The following MREG variants were observed in gnomAD, a reference collection of about 807,000 sequenced individuals.
The protein encoded by MREG is dilute suppressor protein homolog.
MREG carries 31 observed loss-of-function variants against 28.5 expected under a neutral mutation model. The observed-to-expected ratio is 1.09, with a 90% confidence interval of 0.82 to 1.47. The LOEUF (loss-of-function observed/expected upper bound fraction) is 1.47. Among genes scored for constraint, MREG ranks in the 40% most tolerant of loss-of-function variants. The pLI is 0.00. For missense variants in MREG, 256 were observed against 257.4 expected, an observed-to-expected ratio of 0.99 and a Z score of 0.04; for synonymous variants, 106 against 95.2, an observed-to-expected ratio of 1.11 and a Z score of -0.66.
rs74837438 is a variant in MREG, at chr2:216,013,146, A to C, written c.95+87T>G. ...CCCTTCCAGCAAGCCCACCTCCCCAACTCACACAAGCACACAGGTGTCCAC... is the reference window on the plus strand; with the variant it reads ...CCCTTCCAGCAAGCCCACCTCCCCACCTCACACAAGCACACAGGTGTCCAC... On this transcript the variant is annotated intron_variant, in intron 1 of 4. Coordinates refer to ENST00000263268, the MANE Select transcript of MREG (RefSeq NM_018000.3). The C allele has an allele frequency of 3.1e-5, 38 of 1,209,854 alleles. 2 individuals are homozygous for C. The Admixed American group carries it at 4.1e-4, about 13-fold the overall frequency. The allele number at this position is 1,209,854 out of a possible 1,614,324, so 74.9% of individuals were successfully genotyped here. A position where few individuals can be genotyped will look rare whatever the true frequency, so the allele number is the denominator to read the frequency against.
intron 1 of MREG, among the ~76,000 whole-genome samples, chr2:216,031,666 AG>A (rs1559204056): frequency 3.4e-4 from 27 of 79,648 alleles, no homozygotes; most frequent in African/African-American, 1.5e-3. Flanking sequence ...AAAGAAAGAA[AG>A]AAAGAAAGAA....
At position 215,973,627 on chromosome 2, in the gene MREG, TTA is replaced by T. The variant is rs538076521; in HGVS notation, c.255+22677_255+22678del. Among the ~76,000 whole-genome samples, 49 of 152,352 alleles carry T rather than the reference TTA, an allele frequency of 3.2e-4. 1 individual carries two copies. The highest frequency in any genetic ancestry group is 1.2e-3 in the African/African-American group (48 of 41,584). ...CAACAAATTCAACTGCAGTAGATTT[TTA>T]TCTCTACCACTTCAACCTGTTTTCC... On this transcript the variant is annotated intron_variant, in intron 2 of 4. Coordinates refer to ENST00000263268, the MANE Select transcript of MREG (RefSeq NM_018000.3).
chr2:215,983,665 T>A (rs1236332038), intron 2 of MREG, among the ~76,000 whole-genome samples: 1 of 152,228 alleles, frequency 6.6e-6, no homozygotes, highest in Non-Finnish European at 1.5e-5. Context: ...AGTAATTGTA[T>A]GTATTTATGA....
chr2:215,943,616 CG>C lies in MREG; in HGVS notation c.*1246del, dbSNP rs1198433385. ...CAGCACTTTGGGAGGCTGGGGCAGG[CG>C]GATGACGAGGTCAGGAGATCGAGAC... On this transcript the variant is annotated 3_prime_UTR_variant, in exon 5 of 5. Transcript: ENST00000263268. The C allele has an allele frequency of 2.5e-6, 1 of 399,792 alleles. No individual in the cohort carries two copies. Among genetic ancestry groups the C allele is most frequent in the Non-Finnish European group, 5.0e-6 (1 of 199,882 alleles). 24.8% of individuals were successfully genotyped at this position (399,792 alleles called of 1,614,324 possible).
chr2:215,996,448 G>A lies in MREG; in HGVS notation c.113C>T (p.Ser38Phe), dbSNP rs200466592. 1.8e-3 allele frequency: 2,839 copies of A among 1,612,122 alleles called. 5 individuals carry two copies. The highest frequency in any genetic ancestry group is 2.6e-3 in the Middle Eastern group (16 of 6,056). The change falls in exon 2 of 5, where the codon TCC (serine) becomes TTC (phenylalanine). Residue 38 changes from serine (S) to phenylalanine (F), a missense_variant. Physicochemically the swap from Ser to Phe is radical, Grantham distance 155 (BLOSUM62 -2). Coordinates refer to ENST00000263268, the MANE Select transcript of MREG (RefSeq NM_018000.3). Reference sequence around the variant, plus strand: ...CCTCACCAGAGTTGCTCCAAATGAGGAATATGGATTGTTATCACTGTTGTA... The same window carrying A: ...CCTCACCAGAGTTGCTCCAAATGAGAAATATGGATTGTTATCACTGTTGTA... Reference protein sequence around the residue: ...EPLVSDNNPYSSFGATLVRDD... With the variant: ...EPLVSDNNPYFSFGATLVRDD...
At chr2:215,994,890 A>AAG (rs146188715) in intron 2 of MREG, among the ~76,000 whole-genome samples, 3 of 151,182 alleles carry the variant, frequency 2.0e-5, no homozygotes, top group African/African-American at 4.9e-5. Context: ...GAGAGAGAGA[A>AAG]AGAGAGAGAG....
intron 2 of MREG, among the ~76,000 whole-genome samples, chr2:215,956,918 C>A (rs544244610): frequency 7.2e-5 from 11 of 152,224 alleles, no homozygotes; most frequent in South Asian, 2.1e-4. Context: ...CTGTGTTACC[C>A]TATGAGACGG....
chr2:216,016,398 G>A (rs1259970332), upstream of MREG, among the ~76,000 whole-genome samples: 2 of 152,228 alleles, frequency 1.3e-5, no homozygotes, highest in African/African-American at 4.8e-5. Flanking sequence ...AACTCAGCTA[G>A]CAAGAAAATG....
At chr2:215,954,445 A>AACACACAC (rs3078454) in intron 2 of MREG, among the ~76,000 whole-genome samples, 42,566 of 136,240 alleles carry the variant, frequency 0.31, 7,609 homozygotes, top group Middle Eastern at 0.4. Flanking sequence ...ATCTGTGTAC[A>AACACACAC]ACACACACAC....
intron 1 of MREG, among the ~76,000 whole-genome samples, chr2:216,024,119 G>C (rs1694561189): frequency 6.6e-6 from 1 of 152,142 alleles, no homozygotes; most frequent in African/African-American, 2.4e-5. Context: ...GCCATGCCGA[G>C]CCTTTCAGGG....
rs538002389 is a variant in MREG, at chr2:215,984,314, G to A, written c.255+11992C>T. On this transcript the variant is annotated intron_variant, in intron 2 of 4. Transcript: ENST00000263268. ...GGGAATTCAAGGTGAGATTTGAGTG[G>A]GGACACAGCCAAACCATATCAGTTA... is the stretch of plus-strand genomic sequence containing the variant. 7.9e-5 allele frequency among the ~76,000 whole-genome samples: 12 copies of A among 152,028 alleles called. No homozygotes were observed. The East Asian group carries it at 2.3e-3, about 29-fold the overall frequency.
intron 2 of MREG, among the ~76,000 whole-genome samples, chr2:215,980,915 A>C (rs1218060364): frequency 7.8e-6 from 1 of 127,976 alleles, no homozygotes; most frequent in East Asian, 2.0e-4. Flanking sequence ...AAGGGCAGGG[A>C]AGGGAAGGGA....
chr2:216,025,362 ACCTT>A (rs1256849538), intron 1 of MREG, among the ~76,000 whole-genome samples: 1 of 152,222 alleles, frequency 6.6e-6, no homozygotes, highest in Admixed American at 6.5e-5. Context: ...GGAGGTGCAG[ACCTT>A]CCTTCCTTCT....
intron 2 of MREG, among the ~76,000 whole-genome samples, chr2:215,974,850 ACACT>A (rs1292035381): frequency 0.01 from 1,345 of 132,858 alleles, 8 homozygotes; most frequent in African/African-American, 0.033. Context: ...ACACACACAC[ACACT>A]CTCTCTCTCT....
chr2:215,983,176 G>A (rs1239636270), intron 2 of MREG, among the ~76,000 whole-genome samples: 1 of 152,178 alleles, frequency 6.6e-6, no homozygotes, highest in Non-Finnish European at 1.5e-5. Context: ...TCCGTGGTTG[G>A]GGTAAAACTT....
At chr2:215,956,266 T>C (rs1196091228) in intron 2 of MREG, among the ~76,000 whole-genome samples, 1 of 152,160 alleles carries the variant, frequency 6.6e-6, no homozygotes, top group African/African-American at 2.4e-5. Flanking sequence ...TTCCTGAGGA[T>C]TAACTGAGTT....
intron 2 of MREG, among the ~76,000 whole-genome samples, chr2:215,985,029 T>A (rs1188710578): frequency 6.6e-6 from 1 of 152,216 alleles, no homozygotes; most frequent in African/African-American, 2.4e-5. Context: ...AAATCCTGCA[T>A]CCAAACTCAA....
At chr2:216,025,724 G>A (rs578162294) in intron 1 of MREG, among the ~76,000 whole-genome samples, 139 of 152,346 alleles carry the variant, frequency 9.1e-4, no homozygotes, top group African/African-American at 3.3e-3. Flanking sequence ...AGCTAGGGCC[G>A]TGTCGGGCAA....
chr2:216,002,365 A>G (rs560855842), intron 1 of MREG, among the ~76,000 whole-genome samples: 1 of 152,336 alleles, frequency 6.6e-6, no homozygotes, highest in South Asian at 2.1e-4. Flanking sequence ...AGAGTTCCTC[A>G]GGATTCCTCA....
Sources: allele counts gnomAD v4.1 joint callset (sites outside exome capture counted in the v4.1 genomes callset), GRCh38; gene constraint gnomAD v4.1.1; transcripts MANE v1.5; gene names NCBI Gene and HGNC (gene_info 2026-07-23, HGNC 2026-07-21).